The following ANO10 variants were observed in gnomAD, a reference collection of about 807,000 sequenced individuals.
ANO10 encodes the protein anoctamin-10.
ANO10 carries 77 observed loss-of-function variants against 74.7 expected under a neutral mutation model. That is an observed-to-expected ratio of 1.03 (90% confidence interval 0.86 to 1.25). The LOEUF is 1.25. Among genes scored for constraint, ANO10 ranks in the 50% most tolerant of loss-of-function variants. ANO10 has a pLI of 0.00. For synonymous variants in ANO10, 279 were observed against 284.9 expected, an observed-to-expected ratio of 0.98 and a Z score of 0.21; for missense variants, 721 against 778.1, an observed-to-expected ratio of 0.93 and a Z score of 0.87.
At chr3:43,538,169 T>A (rs575429251) in intron 11 of ANO10, among the ~76,000 whole-genome samples, 4 of 152,164 alleles carry the variant, frequency 2.6e-5, no homozygotes, top group African/African-American at 9.7e-5. Flanking sequence ...CAGCTAAGTG[T>A]TTCTAAAAGT....
At chr3:43,475,103 C>T (rs1052636666) in intron 11 of ANO10, among the ~76,000 whole-genome samples, 12 of 152,160 alleles carry the variant, frequency 7.9e-5, no homozygotes, top group African/African-American at 2.7e-4. Context: ...ATATACATGC[C>T]TTTATAAGCT....
chr3:43,483,972 T>C (rs751504933), intron 11 of ANO10, among the ~76,000 whole-genome samples: 13 of 152,230 alleles, frequency 8.5e-5, no homozygotes, highest in Non-Finnish European at 1.8e-4. Flanking sequence ...GGTCTCATTC[T>C]ATTGCCCAGG....
intron 12 of ANO10, among the ~76,000 whole-genome samples, chr3:43,408,935 G>A (rs1388588312): frequency 6.6e-6 from 1 of 152,126 alleles, no homozygotes; most frequent in Non-Finnish European, 1.5e-5. Context: ...GGGAGGCTGA[G>A]GTGGGAGAAT....
At position 43,555,297 on chromosome 3, in the gene ANO10, G is replaced by C; in HGVS notation, c.1649C>G (p.Ala550Gly). Residue 550 changes from alanine to glycine, a missense_variant, in exon 10 of 13, where the codon GCC becomes GGC. Ala to Gly is a moderately conservative substitution (Grantham distance 60). Coordinates refer to ENST00000292246, the MANE Select transcript of ANO10 (RefSeq NM_018075.5). Reference protein sequence around the residue: ...VFKRPFSEPSANIGVWQLAFE... With the variant: ...VFKRPFSEPSGNIGVWQLAFE... ...AATTACCTGCCACACACCAATATTGGCTGAAGGTTCTGAGAATGGACGTTT... is the reference window on the plus strand; with the variant it reads ...AATTACCTGCCACACACCAATATTGCCTGAAGGTTCTGAGAATGGACGTTT... The C allele has an allele frequency of 6.2e-7, 1 of 1,613,824 alleles. No homozygotes were observed. Among genetic ancestry groups the C allele is most frequent in the Non-Finnish European group, 8.5e-7 (1 of 1,179,932 alleles).
In ANO10 at chr3:43,549,785, G is replaced by A; in HGVS notation, c.1732C>T (p.Pro578Ser). ...VTNCALIGMS[P>S]QVNAVFPESK... is the part of the protein sequence containing the mutation. ...TCTGGAAAGACTGCATTCACTTGTG[G>A]TGACATTCCAATCAGCGCACAGTTA... Residue 578 changes from proline (P) to serine (S), a missense_variant, in exon 11 of 13, where the codon CCA becomes TCA. Transcript: ENST00000292246. 3 of 1,613,946 alleles carry A rather than the reference G, an allele frequency of 1.9e-6. No individual in the cohort carries two copies. Among genetic ancestry groups the A allele is most frequent in the Non-Finnish European group, 2.5e-6 (3 of 1,179,874 alleles).
At chr3:43,607,470 G>C (rs758079305) in intron 1 of ANO10, among the ~76,000 whole-genome samples, 7 of 152,156 alleles carry the variant, frequency 4.6e-5, no homozygotes, top group Non-Finnish European at 5.9e-5. Context: ...CAGGGCTTCT[G>C]TTGGCCATGG....
intron 11 of ANO10, among the ~76,000 whole-genome samples, chr3:43,536,289 A>G (rs2078707084): frequency 6.6e-6 from 1 of 152,240 alleles, no homozygotes; most frequent in Non-Finnish European, 1.5e-5. Context: ...TTAGAGCACT[A>G]GAATTCTCAA....
At chr3:43,548,099 T>TA (rs2149302503) in intron 11 of ANO10, among the ~76,000 whole-genome samples, 2 of 152,350 alleles carry the variant, frequency 1.3e-5, no homozygotes, top group South Asian at 4.1e-4. Flanking sequence ...CATCCACTGT[T>TA]ACGGTATTGG....
chr3:43,483,055 A>G lies in ANO10; in HGVS notation c.1798-50328T>C, dbSNP rs375795420. On this transcript the variant is annotated intron_variant, in intron 11 of 12. Transcript: ENST00000292246. ...AAAGATTCAATTTTTGGTCATGTTTAAGAATTAATGATATCTTCTCTAACT... is the reference window on the plus strand; with the variant it reads ...AAAGATTCAATTTTTGGTCATGTTTGAGAATTAATGATATCTTCTCTAACT... Among the ~76,000 whole-genome samples, 16 of 152,372 alleles carry G rather than the reference A, an allele frequency of 1.1e-4. 1 individual carries two copies. The highest frequency in any genetic ancestry group is 7.7e-4 in the East Asian group (4 of 5,182).
intron 1 of ANO10, among the ~76,000 whole-genome samples, chr3:43,679,700 A>G (rs2084169466): frequency 3.3e-5 from 5 of 152,206 alleles, no homozygotes; most frequent in Non-Finnish European, 7.3e-5. Context: ...CAGTAGGGGC[A>G]GACTGTCACT....
intron 1 of ANO10, among the ~76,000 whole-genome samples, chr3:43,683,811 C>T (rs1243932653): frequency 6.6e-6 from 1 of 151,922 alleles, no homozygotes. Context: ...ACAAACCTGA[C>T]AAAAACAAGA....
At chr3:43,545,774 G>C (rs1318588588) in intron 11 of ANO10, among the ~76,000 whole-genome samples, 4 of 152,104 alleles carry the variant, frequency 2.6e-5, no homozygotes, top group Non-Finnish European at 5.9e-5. Context: ...AACATATTTT[G>C]AAATATGTAT....
chr3:43,523,711 A>G (rs188912847), intron 11 of ANO10, among the ~76,000 whole-genome samples: 1 of 152,296 alleles, frequency 6.6e-6, no homozygotes, highest in Admixed American at 6.5e-5. Context: ...GATCACTGGG[A>G]GACATTCAAG....
At chr3:43,433,766 G>A (rs1470942996) in intron 11 of ANO10, among the ~76,000 whole-genome samples, 6 of 152,084 alleles carry the variant, frequency 3.9e-5, no homozygotes, top group Non-Finnish European at 5.9e-5. Context: ...ATACTTCTCC[G>A]AATCCAGATC....
At chr3:43,419,161 C>T (rs1036803992) in intron 12 of ANO10, among the ~76,000 whole-genome samples, 13 of 152,322 alleles carry the variant, frequency 8.5e-5, no homozygotes, top group Middle Eastern at 3.4e-3. Flanking sequence ...CAGCTAGCTT[C>T]GCAAGAGGAA....
chr3:43,641,475 C>T (rs1457787906), intron 1 of ANO10, among the ~76,000 whole-genome samples: 1 of 152,174 alleles, frequency 6.6e-6, no homozygotes, highest in Non-Finnish European at 1.5e-5. Flanking sequence ...CCTGTGTTTC[C>T]CAACTCCCAA....
At chr3:43,414,291 C>A (rs2092706328) in intron 12 of ANO10, among the ~76,000 whole-genome samples, 1 of 152,058 alleles carries the variant, frequency 6.6e-6, no homozygotes, top group Non-Finnish European at 1.5e-5. Context: ...GGGGAGAGAG[C>A]AGCAAAGAGA....
chr3:43,426,224 C>T (rs536488061), intron 12 of ANO10, among the ~76,000 whole-genome samples: 1 of 152,194 alleles, frequency 6.6e-6, no homozygotes, highest in Non-Finnish European at 1.5e-5. Context: ...TGTAACGTGA[C>T]TGCCTTGGGC....
intron 1 of ANO10, among the ~76,000 whole-genome samples, chr3:43,650,633 A>C (rs774992318): frequency 1.8e-4 from 27 of 152,242 alleles, no homozygotes; most frequent in Non-Finnish European, 2.8e-4. Context: ...GGATTAGAGC[A>C]GAGCTTAGGG....
Sources: allele counts gnomAD v4.1 joint callset (sites outside exome capture counted in the v4.1 genomes callset), GRCh38; gene constraint gnomAD v4.1.1; transcripts MANE v1.5; gene names NCBI Gene and HGNC (gene_info 2026-07-23, HGNC 2026-07-21).